Variants in ATP8A2 observed in about 807,000 individuals in gnomAD.
ATP8A2 encodes the protein phospholipid-transporting ATPase IB.
In ATP8A2, 100 loss-of-function variants were observed where a neutral mutation model predicts 165.6. The observed-to-expected ratio is 0.60, with a 90% CI of 0.51 to 0.71. The LOEUF is 0.71. ATP8A2 is among the 30% of genes least tolerant of loss of function. The pLI is 0.00. For synonymous variants in ATP8A2, 543 were observed against 548.8 expected, an observed-to-expected ratio of 0.99 and a Z score of 0.15; for missense variants, 1,227 against 1,479.5, an observed-to-expected ratio of 0.83 and a Z score of 2.80.
chr13:25,782,268 A>T (rs2044899592), intron 27 of ATP8A2, among the ~76,000 whole-genome samples: 1 of 152,254 alleles, frequency 6.6e-6, no homozygotes, highest in East Asian at 1.9e-4. Context: ...TTGAAGGAAT[A>T]GATTGGCAGC....
At chr13:25,601,005 G>C (rs1473120841) in intron 24 of ATP8A2, among the ~76,000 whole-genome samples, 1 of 152,200 alleles carries the variant, frequency 6.6e-6, no homozygotes, top group Non-Finnish European at 1.5e-5. Context: ...GTACTTTGCA[G>C]TGACAGGTAG....
rs576636747 is a variant in ATP8A2 at position 25,757,280 on chromosome 13, G to A, written c.2385-11766G>A. ...CCATAGGAGAAAAAGAAAAAGCATC[G>A]CTCCCTGTGGCTCCAGTGGACACAC... On this transcript the variant is annotated intron_variant, in intron 25 of 36. Coordinates refer to ENST00000381655, the MANE Select transcript of ATP8A2 (RefSeq NM_016529.6). Among the ~76,000 whole-genome samples, 40 of 152,212 alleles carry A rather than the reference G, an allele frequency of 2.6e-4. 1 individual carries two copies. The highest frequency in any genetic ancestry group is 9.1e-4 in the African/African-American group (38 of 41,534).
At chr13:25,649,130 C>T (rs2137617768) in intron 24 of ATP8A2, 1 of 446,702 alleles carries the variant, frequency 2.2e-6, no homozygotes, top group Non-Finnish European at 4.5e-6. Context: ...ACAACCTTTT[C>T]CAGCTTTCAC....
chr13:25,904,367 C>T (rs1953864689), intron 33 of ATP8A2, among the ~76,000 whole-genome samples: 1 of 152,242 alleles, frequency 6.6e-6, no homozygotes, highest in African/African-American at 2.4e-5. Flanking sequence ...AAACCGTGGA[C>T]ATCATCCCAC....
intron 28 of ATP8A2, among the ~76,000 whole-genome samples, chr13:25,832,195 C>T (rs567033607): frequency 1.3e-5 from 2 of 152,202 alleles, no homozygotes; most frequent in African/African-American, 4.8e-5. Flanking sequence ...GCCTCGGCCC[C>T]CCAGAGTGCT....
At chr13:25,902,259 T>C (rs558375583) in intron 33 of ATP8A2, among the ~76,000 whole-genome samples, 2 of 152,296 alleles carry the variant, frequency 1.3e-5, no homozygotes, top group African/African-American at 4.8e-5. Flanking sequence ...AGTGATATGC[T>C]TATAATCTAT....
chr13:25,871,135 G>A, intron 33 of ATP8A2: 1 of 351,152 alleles, frequency 2.8e-6, no homozygotes, highest in South Asian at 2.2e-5. Context: ...CAGAGGTTTT[G>A]TTGTGGTGTT....
At chr13:25,764,511 C>G (rs574024768) in intron 25 of ATP8A2, among the ~76,000 whole-genome samples, 344 of 152,316 alleles carry the variant, frequency 2.3e-3, no homozygotes, top group Middle Eastern at 0.01. Flanking sequence ...TAGGCCAGTG[C>G]TGGTGACTTG....
intron 2 of ATP8A2, among the ~76,000 whole-genome samples, chr13:25,477,706 G>A (rs569006986): frequency 2.3e-4 from 35 of 152,294 alleles, no homozygotes; most frequent in African/African-American, 7.9e-4. Context: ...GGAGGCCGAG[G>A]CAGGCAGATC....
intron 2 of ATP8A2, among the ~76,000 whole-genome samples, chr13:25,483,370 TCACCCCAGTATGAGAC>T (rs1314764577): frequency 1.3e-5 from 2 of 152,168 alleles, no homozygotes; most frequent in Admixed American, 1.3e-4. Flanking sequence ...AAAGCCCCTT[TCACCCCAGTATGAGAC>T]CACCCCAGGG....
chr13:26,006,264 T>C (rs1194034650), intron 35 of ATP8A2, among the ~76,000 whole-genome samples: 2 of 152,040 alleles, frequency 1.3e-5, no homozygotes, highest in Non-Finnish European at 2.9e-5. Context: ...AGTATTTTAT[T>C]CCTTTTGATT....
At chr13:25,883,825 C>T (rs149035677) in intron 33 of ATP8A2, among the ~76,000 whole-genome samples, 146 of 152,112 alleles carry the variant, frequency 9.6e-4, no homozygotes, top group African/African-American at 3.3e-3. Flanking sequence ...ATGTGGCCTG[C>T]GTGTGCAAGT....
intron 23 of ATP8A2, among the ~76,000 whole-genome samples, chr13:25,585,563 C>A (rs1371336728): frequency 6.6e-6 from 1 of 152,092 alleles, no homozygotes; most frequent in Non-Finnish European, 1.5e-5. Context: ...CTTTTAAAAC[C>A]ATTTCTTATG....
intron 24 of ATP8A2, among the ~76,000 whole-genome samples, chr13:25,657,159 C>T (rs561486192): frequency 1.3e-5 from 2 of 149,266 alleles, no homozygotes; most frequent in Admixed American, 1.3e-4. Context: ...TAAGACCTAA[C>T]ACACTGACTT....
intron 27 of ATP8A2, among the ~76,000 whole-genome samples, chr13:25,800,212 A>G (rs903237613): frequency 5.3e-5 from 8 of 152,262 alleles, no homozygotes; most frequent in Admixed American, 3.3e-4. Context: ...AGACATGCTG[A>G]TTTTAGAACA....
At chr13:25,714,474 C>G (rs1189117870) in intron 25 of ATP8A2, among the ~76,000 whole-genome samples, 1 of 152,200 alleles carries the variant, frequency 6.6e-6, no homozygotes, top group African/African-American at 2.4e-5. Context: ...ACCTGACATA[C>G]TATTATACTT....
At chr13:25,963,348 C>A (rs1322539097) in intron 34 of ATP8A2, among the ~76,000 whole-genome samples, 1 of 146,048 alleles carries the variant, frequency 6.8e-6, no homozygotes, top group Non-Finnish European at 1.5e-5. Context: ...GAGCTGAGAT[C>A]GTGCCACTGC....
intron 1 of ATP8A2, among the ~76,000 whole-genome samples, chr13:25,400,835 A>T (rs2033613753): frequency 6.6e-6 from 1 of 152,174 alleles, no homozygotes; most frequent in Non-Finnish European, 1.5e-5. Flanking sequence ...GGGTCTGAGA[A>T]GGCCGGCATT....
chr13:25,527,400 C>T (rs2037875699), intron 2 of ATP8A2, among the ~76,000 whole-genome samples: 2 of 152,122 alleles, frequency 1.3e-5, no homozygotes, highest in African/African-American at 4.8e-5. Flanking sequence ...TTAATAAGCT[C>T]TCCAGGAGAC....
Sources: gnomAD v4.1 joint callset for allele counts (sites outside exome capture counted in the v4.1 genomes callset) on GRCh38, gnomAD v4.1.1 for gene constraint, MANE v1.5 for transcripts, NCBI Gene and HGNC (gene_info 2026-07-23, HGNC 2026-07-21) for gene names.